Variants in TBX1 observed in about 807,000 individuals in gnomAD.
TBX1 encodes T-box transcription factor TBX1.
In TBX1, 16 loss-of-function variants were observed where a neutral mutation model predicts 40.8. The observed-to-expected ratio is 0.39, with a 90% CI of 0.27 to 0.60. The LOEUF is 0.60. Among genes scored for constraint, TBX1 ranks in the 20% least tolerant of loss-of-function variants. TBX1 has a pLI of 0.51. For synonymous variants in TBX1, 403 were observed against 336.8 expected (o/e 1.20, Z -2.15); for missense variants, 755 against 728.5 (o/e 1.04, Z -0.42).
rs1467442995 is a variant in TBX1, at chr22:19,760,871, C to T, written c.28C>T (p.Leu10Phe). Residue 10 changes from leucine (L) to phenylalanine (F), a missense_variant, in exon 1 of 7, where the codon CTC (leucine) becomes TTC (phenylalanine). By Grantham distance (22) the Leu-to-Phe change is conservative. Around this residue, in one of 3 missense-constraint regions of TBX1, gnomAD observed 199 missense variants for 173.0 expected, o/e 1.15. Coordinates refer to ENST00000649276, the MANE Select transcript of TBX1 (RefSeq NM_001379200.1). The stretch of plus-strand genomic sequence containing the variant: ...GATCTCCGCCGTGTCCAGCCCGTGG[C>T]TCACGCAGCTCTCGCATTTCTGCGA... MISAVSSPW[L>F]TQLSHFCDVA... 9.6e-7 allele frequency: 1 copy of T among 1,044,742 alleles called. No individual in the cohort carries two copies. Among genetic ancestry groups the T allele is most frequent in the African/African-American group, 1.7e-5 (1 of 57,812 alleles). 64.7% of individuals were successfully genotyped at this position (1,044,742 alleles called of 1,614,324 possible).
intron 8 of TBX1, among the ~76,000 whole-genome samples, chr22:19,772,673 A>G (rs569058144): frequency 1.2e-3 from 178 of 152,254 alleles, no homozygotes; most frequent in Middle Eastern, 3.4e-3. Context: ...TTATCTCAGA[A>G]TATGTTTTCC....
At chr22:19,768,124 G>A (rs1936920943), downstream of TBX1, among the ~76,000 whole-genome samples, 1 of 152,214 alleles carries the variant, frequency 6.6e-6, no homozygotes. Flanking sequence ...GCCGGTCAGC[G>A]CCAAGGCTGC....
At chr22:19,781,541 A>T (rs1263285743), downstream of TBX1, among the ~76,000 whole-genome samples, 2 of 151,732 alleles carry the variant, frequency 1.3e-5, no homozygotes, top group Non-Finnish European at 2.9e-5. Flanking sequence ...ACAACTTTTA[A>T]ATTTTCATGA....
chr22:19,779,099 C>A, intron 8 of TBX1: 1 of 1,196,744 alleles, frequency 8.4e-7, no homozygotes, highest in Non-Finnish European at 1.2e-6. Context: ...GAGATGCAGT[C>A]CTGTCCTGCC....
At chr22:19,772,860 G>A (rs886533064) in intron 8 of TBX1, among the ~76,000 whole-genome samples, 4 of 152,204 alleles carry the variant, frequency 2.6e-5, no homozygotes, top group Non-Finnish European at 5.9e-5. Context: ...CTTCACCGCG[G>A]GGCTGGGTCT....
chr22:19,770,946 T>C (rs1936980518), downstream of TBX1, among the ~76,000 whole-genome samples: 1 of 152,162 alleles, frequency 6.6e-6, no homozygotes, highest in Admixed American at 6.5e-5. Context: ...AGAGACTCTG[T>C]GTTCCAGAGA....
Position 19,765,965 on chromosome 22 carries a change from C to G in TBX1, c.999C>G (p.Pro333=). ...GCGCCTTCGCGCGCTCGCGGAACCC[C>G]GTGGCTTCCCCGACGCAGCCCAGCG... ...LMSAFARSRN[P]VASPTQPSGT... The change falls in exon 6 of 7, where the codon CCC becomes CCG. Residue 333 remains proline, a synonymous_variant. Coordinates refer to ENST00000649276, the MANE Select transcript of TBX1 (RefSeq NM_001379200.1). The G allele has an allele frequency of 6.6e-7, 1 of 1,518,664 alleles. No individual in the cohort carries two copies. The highest frequency in any genetic ancestry group is 8.8e-7 in the Non-Finnish European group (1 of 1,137,858). 94.1% of individuals were successfully genotyped at this position (1,518,664 alleles called of 1,614,324 possible). A position where few individuals can be genotyped will look rare whatever the true frequency, so the allele number is the denominator to read the frequency against.
rs1261246856 is a variant in TBX1 at position 19,760,824 on chromosome 22, G to T, written c.-20G>T. On this transcript the variant is annotated 5_prime_UTR_variant, in exon 1 of 7. Transcript: ENST00000649276. ...AGCGCTCAGCTTGGTGGCGGGGGCG[G>T]CGGCGGCGGCCCGCGGGTCATGATC... 8.7e-6 allele frequency: 7 copies of T among 807,074 alleles called. No individual in the cohort carries two copies. The highest frequency in any genetic ancestry group is 1.0e-5 in the Non-Finnish European group (7 of 668,734). The allele number at this position is 807,074 out of a possible 1,614,324, so 50.0% of individuals were successfully genotyped here. A position where few individuals can be genotyped will look rare whatever the true frequency, so the allele number is the denominator to read the frequency against.
At chr22:19,770,132 C>T (rs1044314970), downstream of TBX1, among the ~76,000 whole-genome samples, 5 of 152,326 alleles carry the variant, frequency 3.3e-5, no homozygotes, top group African/African-American at 7.2e-5. Context: ...CCAGAGGCCC[C>T]GTTGCCCTCC....
At chr22:19,757,638 A>C (rs1936516718), upstream of TBX1, among the ~76,000 whole-genome samples, 1 of 152,030 alleles carries the variant, frequency 6.6e-6, no homozygotes, top group South Asian at 2.1e-4. Flanking sequence ...CTCCTGCAAC[A>C]CTACCAAATC....
intron 8 of TBX1, among the ~76,000 whole-genome samples, chr22:19,773,462 C>A (rs41300482): frequency 6.6e-6 from 1 of 152,286 alleles, no homozygotes; most frequent in East Asian, 1.9e-4. Context: ...ACCCTAGCAC[C>A]CCACGGAGGC....
rs41298816 is a variant in TBX1, at chr22:19,763,292, C to G, written c.489C>G (p.Ala163=). 1 of 1,614,176 alleles carries G rather than the reference C, an allele frequency of 6.2e-7. No individual in the cohort carries two copies. The highest frequency in any genetic ancestry group is 1.7e-5 in the Admixed American group (1 of 60,028). Reference sequence around the variant, plus strand: ...AGCTCTTCGGCATGGATCCCATGGCCGACTATATGCTGCTCATGGACTTCG... The same window carrying G: ...AGCTCTTCGGCATGGATCCCATGGCGGACTATATGCTGCTCATGGACTTCG... ...QVKLFGMDPM[A]DYMLLMDFVP... is the part of the protein sequence containing the mutation. Residue 163 remains alanine (A), a synonymous_variant, in exon 2 of 7, where the codon GCC becomes GCG. Transcript: ENST00000649276.
chr22:19,760,791 C>A lies in TBX1; in HGVS notation c.-53C>A. 1.9e-6 allele frequency: 1 copy of A among 528,356 alleles called. No individual in the cohort carries two copies. The highest frequency in any genetic ancestry group is 2.3e-6 in the Non-Finnish European group (1 of 429,202). 32.7% of individuals were successfully genotyped at this position (528,356 alleles called of 1,614,324 possible). On this transcript the variant is annotated 5_prime_UTR_variant, in exon 1 of 7. Coordinates refer to ENST00000649276, the MANE Select transcript of TBX1 (RefSeq NM_001379200.1). Reference sequence around the variant, plus strand: ...GCGGCGCCCGCCACTCGGCCCGCGGCGCGGGGCAGCGCTCAGCTTGGTGGC... The same window carrying A: ...GCGGCGCCCGCCACTCGGCCCGCGGAGCGGGGCAGCGCTCAGCTTGGTGGC...
chr22:19,771,877 G>A (rs1022277573), downstream of TBX1, among the ~76,000 whole-genome samples: 3 of 152,176 alleles, frequency 2.0e-5, no homozygotes, highest in Non-Finnish European at 2.9e-5. Context: ...ATGTCGGTGC[G>A]CCCACTGTGG....
chr22:19,775,679 G>A (rs1363933731), intron 8 of TBX1, among the ~76,000 whole-genome samples: 3 of 152,298 alleles, frequency 2.0e-5, no homozygotes, highest in Admixed American at 1.3e-4. Context: ...GCTGTGGCGA[G>A]GTCTTCCCAC....
Position 19,761,140 on chromosome 22 carries a change from G to A in TBX1, c.297G>A (p.Gly99=), listed in dbSNP as rs769163028. 1.4e-6 allele frequency: 2 copies of A among 1,462,762 alleles called. No homozygotes were observed. Among genetic ancestry groups the A allele is most frequent in the Non-Finnish European group, 1.8e-6 (2 of 1,098,918 alleles). 90.6% of individuals were successfully genotyped at this position (1,462,762 alleles called of 1,614,324 possible). A position where few individuals can be genotyped will look rare whatever the true frequency, so the allele number is the denominator to read the frequency against. ...TSAAAEPEGP[G]ASCAAAAKAP... ...CCGCCGCCGAGCCCGAGGGCCCCGGGGCCAGCTGCGCGGCCGCAGCCAAGG... is the reference window on the plus strand; with the variant it reads ...CCGCCGCCGAGCCCGAGGGCCCCGGAGCCAGCTGCGCGGCCGCAGCCAAGG... The change falls in exon 1 of 7, where the codon GGG becomes GGA. Residue 99 remains glycine, a synonymous_variant. Coordinates refer to ENST00000649276, the MANE Select transcript of TBX1 (RefSeq NM_001379200.1).
chr22:19,766,251 C>A, intron 6 of TBX1, 138 bp from the exon 7 acceptor site: 1 of 1,159,254 alleles, frequency 8.6e-7, no homozygotes, highest in Non-Finnish European at 1.1e-6. Flanking sequence ...GACTTGGGGT[C>A]TCGGGCACGC....
chr22:19,779,126 A>G, intron 8 of TBX1: 1 of 1,454,010 alleles, frequency 6.9e-7, no homozygotes. Context: ...TGCGGTTCAG[A>G]CACTGGACAT....
intron 8 of TBX1, among the ~76,000 whole-genome samples, chr22:19,777,961 T>C (rs545588781): frequency 3.3e-5 from 5 of 152,160 alleles, no homozygotes; most frequent in African/African-American, 1.2e-4. Context: ...GATTTTGCCA[T>C]GTTGCTCAGG....
Sources: allele counts gnomAD v4.1 joint callset (sites outside exome capture counted in the v4.1 genomes callset), GRCh38; gene constraint gnomAD v4.1.1; regional missense constraint gnomAD v4.1.1; transcripts MANE v1.5; gene names NCBI Gene and HGNC (gene_info 2026-07-23, HGNC 2026-07-21).